The following WDR7 variants were observed in gnomAD, a reference collection of about 807,000 sequenced individuals.
WDR7 encodes WD repeat-containing protein 7.
In WDR7, 46 loss-of-function variants were observed where a neutral mutation model predicts 169.4. The ratio of observed to expected loss-of-function variants is 0.27; its 90% CI spans 0.21 to 0.35. WDR7 has a LOEUF of 0.35. Ranked by LOEUF, WDR7 falls within the 10% of genes least tolerant of loss-of-function variation. The pLI is 1.00. For synonymous variants in WDR7, 612 were observed against 666.8 expected, an observed-to-expected ratio of 0.92 and a Z score of 1.27; for missense variants, 1,534 against 1,859.3, an observed-to-expected ratio of 0.83 and a Z score of 3.22.
chr18:56,707,426 G>GTTTTTTTTTTT (rs1232820703), intron 12 of WDR7, among the ~76,000 whole-genome samples: 2 of 123,862 alleles, frequency 1.6e-5, no homozygotes, highest in African/African-American at 2.9e-5. Context: ...TTTGCGTTTT[G>GTTTTTTTTTTT]TTTTTTTTTT....
chr18:56,797,720 G>T (rs544151893), intron 19 of WDR7, among the ~76,000 whole-genome samples: 1 of 151,994 alleles, frequency 6.6e-6, no homozygotes, highest in Admixed American at 6.6e-5. Flanking sequence ...ACCCCATCTT[G>T]TGGATTTATC....
At chr18:57,026,581 A>G (rs1336093630) in intron 27 of WDR7, among the ~76,000 whole-genome samples, 1 of 152,218 alleles carries the variant, frequency 6.6e-6, no homozygotes, top group East Asian at 1.9e-4. Context: ...TTCTTGAACT[A>G]ATTACAAATC....
At chr18:56,683,726 C>T (rs1054593682) in intron 5 of WDR7, among the ~76,000 whole-genome samples, 7 of 152,136 alleles carry the variant, frequency 4.6e-5, no homozygotes, top group African/African-American at 9.7e-5. Context: ...TAAAGGACCC[C>T]GGAGTAGTTA....
intron 13 of WDR7, among the ~76,000 whole-genome samples, chr18:56,724,456 C>T (rs1190008280): frequency 6.6e-6 from 1 of 151,870 alleles, no homozygotes; most frequent in African/African-American, 2.4e-5. Flanking sequence ...AGGTGATCCA[C>T]CTGCCTTGGC....
At chr18:56,761,265 C>T (rs1016119575) in intron 16 of WDR7, among the ~76,000 whole-genome samples, 3 of 152,174 alleles carry the variant, frequency 2.0e-5, no homozygotes, top group African/African-American at 7.2e-5. Flanking sequence ...CCACTTTGGC[C>T]TCCCAAAGTG....
At chr18:56,699,694 C>T in intron 12 of WDR7, 2 of 303,972 alleles carry the variant, frequency 6.6e-6, no homozygotes, top group South Asian at 2.6e-4. Flanking sequence ...GATGATTTCT[C>T]CTCTCTTTAT....
intron 2 of WDR7, among the ~76,000 whole-genome samples, chr18:56,678,573 T>C (rs1419395892): frequency 6.6e-6 from 1 of 152,078 alleles, no homozygotes; most frequent in Non-Finnish European, 1.5e-5. Context: ...CTCGGCTCAC[T>C]GCAACCTCTG....
intron 19 of WDR7, among the ~76,000 whole-genome samples, chr18:56,794,302 C>CTTTTTTTTTTTTTTTTT (rs1217568621): frequency 2.4e-4 from 7 of 29,484 alleles, no homozygotes; most frequent in Non-Finnish European, 5.4e-4. Flanking sequence ...AAGGTAAAGT[C>CTTTTTTTTTTTTTTTTT]TATTTTTTTT....
intron 14 of WDR7, among the ~76,000 whole-genome samples, chr18:56,751,158 A>T (rs568250462): frequency 6.6e-6 from 1 of 152,238 alleles, no homozygotes; most frequent in Admixed American, 6.5e-5. Context: ...GAGGAATCAC[A>T]CGAAATTGCA....
At chr18:56,990,890 C>T (rs933807017) in intron 26 of WDR7, among the ~76,000 whole-genome samples, 1 of 152,156 alleles carries the variant, frequency 6.6e-6, no homozygotes, top group African/African-American at 2.4e-5. Context: ...TTTGCATATG[C>T]CATTTCCCCA....
At chr18:56,995,290 C>T (rs561447987) in intron 26 of WDR7, among the ~76,000 whole-genome samples, 37 of 152,272 alleles carry the variant, frequency 2.4e-4, no homozygotes, top group Admixed American at 1.6e-3. Context: ...CTTCAAAATG[C>T]TTATTCCCTG....
intron 20 of WDR7, among the ~76,000 whole-genome samples, chr18:56,850,990 AT>A (rs2045631547): frequency 6.6e-6 from 1 of 151,964 alleles, no homozygotes; most frequent in African/African-American, 2.4e-5. Context: ...TCTCTATTAA[AT>A]TTCTGCTCTC....
Position 56,697,172 on chromosome 18 carries a change from G to C in WDR7, c.1578+710G>C, listed in dbSNP as rs74640542. On this transcript the variant is annotated intron_variant, in intron 12 of 27. Transcript: ENST00000254442. ...ACTCACTCATTTGTTTGCACATATA[G>C]AGACATCGTCTTCTTGTAGACAAGT... Among the ~76,000 whole-genome samples the C allele has an allele frequency of 7.5e-3, 1,141 of 152,196 alleles. 20 individuals are homozygous for C. The highest frequency in any genetic ancestry group is 0.026 in the African/African-American group (1,077 of 41,530).
chr18:56,953,911 T>G (rs2047215793), intron 25 of WDR7, among the ~76,000 whole-genome samples: 1 of 152,200 alleles, frequency 6.6e-6, no homozygotes, highest in African/African-American at 2.4e-5. Context: ...AATGAATCAA[T>G]GATTACTTTG....
intron 20 of WDR7, among the ~76,000 whole-genome samples, chr18:56,847,524 G>A (rs1421021051): frequency 6.6e-6 from 1 of 152,174 alleles, no homozygotes; most frequent in Non-Finnish European, 1.5e-5. Context: ...AGGTTAGTGT[G>A]ACTAAAAGGG....
At chr18:56,943,281 A>G (rs1056254880) in intron 25 of WDR7, among the ~76,000 whole-genome samples, 15 of 152,170 alleles carry the variant, frequency 9.9e-5, no homozygotes, top group Non-Finnish European at 1.5e-4. Context: ...AGTCAATGGC[A>G]TGAATATCTG....
intron 12 of WDR7, among the ~76,000 whole-genome samples, chr18:56,701,753 G>A (rs569864145): frequency 6.6e-6 from 1 of 152,264 alleles, no homozygotes; most frequent in African/African-American, 2.4e-5. Flanking sequence ...TAAATAGGTA[G>A]TGATGCACAT....
chr18:56,736,494 G>A (rs1242763700), intron 14 of WDR7, among the ~76,000 whole-genome samples: 3 of 151,442 alleles, frequency 2.0e-5, no homozygotes, highest in Middle Eastern at 3.2e-3. Context: ...AAGACAGAAT[G>A]CCTGTTTAGA....
In WDR7 at chr18:57,027,012, G is replaced by A. The variant is rs781398550; in HGVS notation, c.4278G>A (p.Thr1426=). The change falls in exon 28 of 28, where the codon ACG becomes ACA. Residue 1426 remains threonine (T), a synonymous_variant. Coordinates refer to ENST00000254442, the MANE Select transcript of WDR7 (RefSeq NM_015285.3). ...CTCTCCTGTCCCTCCAGATGAACAC[G>A]TCACTGCTGGGAAGCATCGGCATGC... ...DSHISFWQMN[T]SLLGSIGMLN... 80 of 1,613,804 alleles carry A rather than the reference G, an allele frequency of 5.0e-5. No individual in the cohort carries two copies. Among genetic ancestry groups the A allele is most frequent in the Non-Finnish European group, 6.4e-5 (75 of 1,179,940 alleles).
Sources: allele counts gnomAD v4.1 joint callset (sites outside exome capture counted in the v4.1 genomes callset), GRCh38; gene constraint gnomAD v4.1.1; transcripts MANE v1.5; gene names NCBI Gene and HGNC (gene_info 2026-07-23, HGNC 2026-07-21).